CDKAL1: variants seen among roughly 807,000 people sequenced by gnomAD.
The protein encoded by CDKAL1 is CDKAL1 threonylcarbamoyladenosine tRNA methylthiotransferase.
Under a neutral mutation model 68.2 loss-of-function variants are expected in CDKAL1, and 32 were observed. The ratio of observed to expected loss-of-function variants is 0.47; its 90% CI spans 0.35 to 0.63. The LOEUF (loss-of-function observed/expected upper bound fraction) is 0.63, where lower values mean the gene tolerates loss of function less well. Among genes scored for constraint, CDKAL1 ranks in the 30% least tolerant of loss-of-function variants. The pLI is 0.00. For missense variants in CDKAL1, 606 were observed against 696.7 expected (o/e 0.87, Z 1.47); for synonymous variants, 234 against 244.3 (o/e 0.96, Z 0.39).
At chr6:20,638,192 A>G (rs909244032) in intron 4 of CDKAL1, among the ~76,000 whole-genome samples, 2 of 152,240 alleles carry the variant, frequency 1.3e-5, no homozygotes, top group East Asian at 3.8e-4. Flanking sequence ...TCACAGTTAC[A>G]TCAGTATAGT....
At chr6:20,677,131 C>T (rs1162083258) in intron 5 of CDKAL1, among the ~76,000 whole-genome samples, 1 of 151,912 alleles carries the variant, frequency 6.6e-6, no homozygotes, top group African/African-American at 2.4e-5. Context: ...AGTGCAGTGG[C>T]GCGATTTTGG....
At chr6:20,568,402 A>G (rs1203732890) in intron 4 of CDKAL1, among the ~76,000 whole-genome samples, 5 of 151,898 alleles carry the variant, frequency 3.3e-5, no homozygotes, top group African/African-American at 1.2e-4. Context: ...CTTCTTTCAC[A>G]TGCATTGTCT....
chr6:20,915,175 A>G (rs1200772946), intron 9 of CDKAL1, among the ~76,000 whole-genome samples: 1 of 151,860 alleles, frequency 6.6e-6, no homozygotes, highest in Non-Finnish European at 1.5e-5. Flanking sequence ...TGGCAAAAAA[A>G]AAAAGGAAGA....
At chr6:20,888,613 A>C (rs1256379507) in intron 9 of CDKAL1, among the ~76,000 whole-genome samples, 4 of 143,552 alleles carry the variant, frequency 2.8e-5, no homozygotes, top group Non-Finnish European at 6.0e-5. Context: ...GAGTGAGAAC[A>C]TGAGGTGTTT....
chr6:21,216,234 G>C (rs151204350), intron 15 of CDKAL1, among the ~76,000 whole-genome samples: 1 of 152,230 alleles, frequency 6.6e-6, no homozygotes, highest in East Asian at 1.9e-4. Context: ...ATTTGTTACC[G>C]CAGCAATTGG....
At chr6:21,108,333 A>AT in intron 12 of CDKAL1, 68 bp from the exon 13 acceptor site, 3 of 1,037,716 alleles carry the variant, frequency 2.9e-6, no homozygotes, top group Non-Finnish European at 4.4e-6. Context: ...ACACATGTAT[A>AT]TTTTTTATCT....
chr6:20,892,615 A>G (rs1403032992), intron 9 of CDKAL1, among the ~76,000 whole-genome samples: 1 of 152,182 alleles, frequency 6.6e-6, no homozygotes, highest in East Asian at 1.9e-4. Flanking sequence ...GTTTCCTGTC[A>G]TAAAAATTAC....
chr6:21,160,599 A>ATT (rs57353051), intron 13 of CDKAL1, among the ~76,000 whole-genome samples: 1 of 134,388 alleles, frequency 7.4e-6, no homozygotes, highest in Non-Finnish European at 1.6e-5. Flanking sequence ...CCCAGCCAAG[A>ATT]TTTTTTTTTT....
intron 5 of CDKAL1, among the ~76,000 whole-genome samples, chr6:20,655,206 G>A (rs910021370): frequency 6.6e-6 from 1 of 152,066 alleles, no homozygotes; most frequent in African/African-American, 2.4e-5. Flanking sequence ...ACTTTAAATG[G>A]TAAACTTTAA....
At chr6:21,027,965 G>A (rs1374547519) in intron 11 of CDKAL1, among the ~76,000 whole-genome samples, 2 of 152,122 alleles carry the variant, frequency 1.3e-5, no homozygotes, top group Non-Finnish European at 2.9e-5. Flanking sequence ...CTTGGCCCGT[G>A]GTGCTAAGGA....
At chr6:20,978,492 A>G (rs1765955811) in intron 10 of CDKAL1, among the ~76,000 whole-genome samples, 1 of 152,246 alleles carries the variant, frequency 6.6e-6, no homozygotes, top group African/African-American at 2.4e-5. Context: ...AGAAATATAT[A>G]ATTATGACTA....
chr6:21,074,644 C>T (rs890039168), intron 12 of CDKAL1, among the ~76,000 whole-genome samples: 3 of 152,114 alleles, frequency 2.0e-5, no homozygotes, highest in Admixed American at 1.3e-4. Context: ...ATGATGTGCA[C>T]TGAGTCTTCT....
chr6:20,918,311 T>C (rs1453320244), intron 9 of CDKAL1, among the ~76,000 whole-genome samples: 1 of 152,218 alleles, frequency 6.6e-6, no homozygotes, highest in East Asian at 1.9e-4. Context: ...TAAGGTATTT[T>C]ATTATAGCAG....
intron 4 of CDKAL1, among the ~76,000 whole-genome samples, chr6:20,633,632 C>A (rs1159647676): frequency 6.6e-6 from 1 of 152,160 alleles, no homozygotes; most frequent in Non-Finnish European, 1.5e-5. Context: ...AGCAGCCAAA[C>A]CATTTTACAT....
At chr6:20,708,812 T>G (rs1771718366) in intron 5 of CDKAL1, among the ~76,000 whole-genome samples, 1 of 152,214 alleles carries the variant, frequency 6.6e-6, no homozygotes, top group Admixed American at 6.5e-5. Context: ...TGGTCTGGTT[T>G]CTTTGTGTTT....
rs144428792 is a variant in CDKAL1 at position 20,607,253 on chromosome 6, A to G, written c.287-42040A>G. On this transcript the variant is annotated intron_variant, in intron 4 of 15. Coordinates refer to ENST00000274695, the MANE Select transcript of CDKAL1 (RefSeq NM_017774.3). ...CTAACCTAGGTGTTGTGTTTTCCCCATTATTCTGACTACAGTAATTTCTGT... is the reference window on the plus strand; with the variant it reads ...CTAACCTAGGTGTTGTGTTTTCCCCGTTATTCTGACTACAGTAATTTCTGT... Among the ~76,000 whole-genome samples, 8 of 152,352 alleles carry G rather than the reference A, an allele frequency of 5.3e-5. No homozygotes were observed. In the East Asian group the frequency reaches 9.6e-4, roughly 18 times the overall value.
At chr6:21,078,127 C>T (rs1000202016) in intron 12 of CDKAL1, among the ~76,000 whole-genome samples, 4 of 152,208 alleles carry the variant, frequency 2.6e-5, no homozygotes, top group Non-Finnish European at 1.5e-5. Flanking sequence ...TCAGATTTCT[C>T]ACCTCCAGAA....
At chr6:20,548,755 C>A in intron 4 of CDKAL1, 50 bp downstream of exon 4, 1 of 843,632 alleles carries the variant, frequency 1.2e-6, no homozygotes. Flanking sequence ...CAGAATTAAG[C>A]TTTTAGAGAT....
chr6:20,865,834 C>T (rs1759879600), intron 9 of CDKAL1, among the ~76,000 whole-genome samples: 1 of 152,166 alleles, frequency 6.6e-6, no homozygotes, highest in Admixed American at 6.6e-5. Context: ...GCGTACCCAT[C>T]ACAGTAACTT....
Sources: allele counts gnomAD v4.1 joint callset (sites outside exome capture counted in the v4.1 genomes callset), GRCh38; gene constraint gnomAD v4.1.1; transcripts MANE v1.5; gene names NCBI Gene and HGNC (gene_info 2026-07-23, HGNC 2026-07-21).